The following PTPRD variants were observed in gnomAD, a reference collection of about 807,000 sequenced individuals.
PTPRD encodes protein tyrosine phosphatase receptor type D.
Under a neutral mutation model 214.5 loss-of-function variants are expected in PTPRD, and 34 were observed. The observed-to-expected ratio is 0.16, with a 90% CI of 0.12 to 0.21. The LOEUF (loss-of-function observed/expected upper bound fraction) is 0.21. Ranked by LOEUF, PTPRD falls within the 10% of genes least tolerant of loss-of-function variation. PTPRD has a pLI of 1.00. For synonymous variants in PTPRD, 1,128 were observed against 845.7 expected (o/e 1.33, Z -5.79); for missense variants, 2,545 against 2,398.7 (o/e 1.06, Z -1.27).
At chr9:10,594,287 T>C (rs2076155915) in intron 2 of PTPRD, among the ~76,000 whole-genome samples, 1 of 152,012 alleles carries the variant, frequency 6.6e-6, no homozygotes, top group Admixed American at 6.6e-5. Context: ...ATGTCTTCAG[T>C]AAAACTGAAC....
chr9:9,005,579 G>T (rs1259182836), intron 11 of PTPRD, among the ~76,000 whole-genome samples: 2 of 151,942 alleles, frequency 1.3e-5, no homozygotes, highest in Non-Finnish European at 2.9e-5. Flanking sequence ...GATCCTTTTG[G>T]TTAAAAGGCA....
intron 7 of PTPRD, among the ~76,000 whole-genome samples, chr9:9,636,770 T>C (rs1020831124): frequency 6.6e-6 from 1 of 152,238 alleles, no homozygotes; most frequent in African/African-American, 2.4e-5. Flanking sequence ...TTTAACATTG[T>C]GTCAGTCTCT....
chr9:10,039,178 T>A (rs2097250860), intron 3 of PTPRD, among the ~76,000 whole-genome samples: 2 of 152,102 alleles, frequency 1.3e-5, no homozygotes, highest in Non-Finnish European at 2.9e-5. Flanking sequence ...ATTGAATTCC[T>A]GAAAAACTTG....
chr9:8,744,225 T>A (rs540647470), intron 11 of PTPRD, among the ~76,000 whole-genome samples: 1 of 152,342 alleles, frequency 6.6e-6, no homozygotes, highest in Non-Finnish European at 1.5e-5. Context: ...AAAACCGCTA[T>A]GGAAAACGGT....
At chr9:9,613,131 C>CACATATATAT (rs1455616535) in intron 7 of PTPRD, among the ~76,000 whole-genome samples, 1 of 40,932 alleles carries the variant, frequency 2.4e-5, no homozygotes, top group African/African-American at 8.6e-5. Context: ...AGTATACATA[C>CACATATATAT]ATACATATAT....
chr9:9,342,909 T>TA (rs976769790), intron 9 of PTPRD, among the ~76,000 whole-genome samples: 1 of 151,944 alleles, frequency 6.6e-6, no homozygotes, highest in African/African-American at 2.4e-5. Context: ...CTCCTCCCTG[T>TA]ATGTGATGTT....
chr9:9,090,225 C>T (rs2099773592), intron 10 of PTPRD, among the ~76,000 whole-genome samples: 2 of 152,042 alleles, frequency 1.3e-5, no homozygotes. Flanking sequence ...CCATACCCTT[C>T]TCAGCCTCTG....
intron 8 of PTPRD, among the ~76,000 whole-genome samples, chr9:9,502,696 T>C (rs2096458165): frequency 6.6e-6 from 1 of 151,858 alleles, no homozygotes; most frequent in Non-Finnish European, 1.5e-5. Flanking sequence ...GATTTTCAAC[T>C]GCAGAATGAT....
At chr9:8,642,570 T>C (rs2096600205) in intron 12 of PTPRD, among the ~76,000 whole-genome samples, 1 of 152,166 alleles carries the variant, frequency 6.6e-6, no homozygotes. Context: ...TTTCTTTCTC[T>C]GTAAGCGTCA....
At chr9:9,508,553 A>G (rs375759589) in intron 8 of PTPRD, among the ~76,000 whole-genome samples, 2 of 151,440 alleles carry the variant, frequency 1.3e-5, no homozygotes, top group Non-Finnish European at 3.0e-5. Flanking sequence ...CTTAATAATG[A>G]CATTTCTCCT....
intron 3 of PTPRD, among the ~76,000 whole-genome samples, chr9:10,110,906 A>G (rs2098685906): frequency 1.3e-5 from 2 of 152,138 alleles, no homozygotes; most frequent in African/African-American, 4.8e-5. Context: ...ATTTTAGTGA[A>G]TTTTTTTAAA....
chr9:10,033,541 G>C (rs1018220796), intron 4 of PTPRD, among the ~76,000 whole-genome samples, 177 bp downstream of exon 4: 2 of 151,724 alleles, frequency 1.3e-5, no homozygotes, highest in Non-Finnish European at 2.9e-5. Context: ...TATTACTAGA[G>C]TAATTAAAAA....
chr9:9,390,245 G>C (rs968952354), intron 9 of PTPRD, among the ~76,000 whole-genome samples: 1 of 152,106 alleles, frequency 6.6e-6, no homozygotes, highest in Non-Finnish European at 1.5e-5. Flanking sequence ...TTAGGTGATG[G>C]GCAACTTTGA....
chr9:9,825,078 T>A (rs563972192), intron 5 of PTPRD, among the ~76,000 whole-genome samples: 9 of 152,088 alleles, frequency 5.9e-5, no homozygotes, highest in African/African-American at 2.2e-4. Flanking sequence ...AATGTCTAGT[T>A]TCAAATGTGA....
chr9:9,832,770 T>A (rs1198995404), intron 5 of PTPRD, among the ~76,000 whole-genome samples: 1 of 151,986 alleles, frequency 6.6e-6, no homozygotes, highest in Non-Finnish European at 1.5e-5. Flanking sequence ...CATCCAGTGA[T>A]GATGAGGCAA....
At chr9:8,909,984 A>G (rs2098736025) in intron 11 of PTPRD, among the ~76,000 whole-genome samples, 1 of 151,812 alleles carries the variant, frequency 6.6e-6, no homozygotes, top group Non-Finnish European at 1.5e-5. Context: ...TTTATGCTAT[A>G]GTTTAAACAG....
At chr9:10,272,307 A>C (rs1385362238) in intron 3 of PTPRD, among the ~76,000 whole-genome samples, 1 of 152,214 alleles carries the variant, frequency 6.6e-6, no homozygotes, top group African/African-American at 2.4e-5. Flanking sequence ...TGCCAATAAT[A>C]TTCCATTTTA....
chr9:9,944,665 T>G (rs557349391), intron 4 of PTPRD, among the ~76,000 whole-genome samples: 2 of 151,786 alleles, frequency 1.3e-5, no homozygotes, highest in African/African-American at 4.8e-5. Context: ...GAAGAGAGCA[T>G]ACATAGATTG....
chr9:8,995,676 C>T (rs1443445666), intron 11 of PTPRD, among the ~76,000 whole-genome samples: 1 of 152,206 alleles, frequency 6.6e-6, no homozygotes, highest in Non-Finnish European at 1.5e-5. Context: ...GAGAGTGCCA[C>T]TGGCTTCTGC....
Sources: allele counts gnomAD v4.1 joint callset (sites outside exome capture counted in the v4.1 genomes callset), GRCh38; gene constraint gnomAD v4.1.1; transcripts MANE v1.5; gene names NCBI Gene and HGNC (gene_info 2026-07-23, HGNC 2026-07-21).